IFT52: variants seen among roughly 807,000 people sequenced by gnomAD.
IFT52 encodes the protein intraflagellar transport 52, also known as intraflagellar transport protein 52 homolog.
In IFT52, 44 loss-of-function variants were observed where a neutral mutation model predicts 54.4. That is an observed-to-expected ratio of 0.81 (90% confidence interval 0.63 to 1.04). The LOEUF is 1.04. Ranked by LOEUF, IFT52 falls within the 50% of genes least tolerant of loss-of-function variation. The probability of loss-of-function intolerance (pLI) is 0.00; values close to 1 mark genes in which losing one functional copy is unlikely to be tolerated. For synonymous variants in IFT52, 181 were observed against 185.3 expected, an observed-to-expected ratio of 0.98 and a Z score of 0.19; for missense variants, 452 against 523.6, an observed-to-expected ratio of 0.86 and a Z score of 1.33.
chr20:43,622,893 C>T (rs1984448509), intron 9 of IFT52, among the ~76,000 whole-genome samples: 1 of 151,368 alleles, frequency 6.6e-6, no homozygotes, highest in Non-Finnish European at 1.5e-5. Context: ...TTTATGTTTT[C>T]CTGGTCTTTT....
At chr20:43,633,528 T>G (rs1430435149) in intron 10 of IFT52, among the ~76,000 whole-genome samples, 2 of 151,436 alleles carry the variant, frequency 1.3e-5, no homozygotes, top group African/African-American at 4.9e-5. Context: ...TCCAACATGG[T>G]GAAACCCCAT....
At chr20:43,596,691 A>T (rs1024326936) in intron 3 of IFT52, among the ~76,000 whole-genome samples, 169 bp downstream of exon 3, 2 of 151,756 alleles carry the variant, frequency 1.3e-5, no homozygotes, top group African/African-American at 4.8e-5. Flanking sequence ...CTCCATGTAA[A>T]GTACCAAACA....
intron 7 of IFT52, among the ~76,000 whole-genome samples, chr20:43,615,529 C>T (rs1983790269): frequency 6.6e-6 from 1 of 151,782 alleles, no homozygotes. Flanking sequence ...TCGGGCTGGG[C>T]GTGGTGGCTC....
At chr20:43,632,895 A>T (rs573862546) in intron 10 of IFT52, among the ~76,000 whole-genome samples, 2 of 152,358 alleles carry the variant, frequency 1.3e-5, no homozygotes, top group South Asian at 2.1e-4. Context: ...ACCTGATATG[A>T]AACTTGAAAG....
At chr20:43,620,798 A>G in intron 8 of IFT52, 59 bp from the exon 9 acceptor site, 1 of 1,205,180 alleles carries the variant, frequency 8.3e-7, no homozygotes, top group East Asian at 2.4e-5. Flanking sequence ...TCTAGTCCTG[A>G]CCTTCAGCTT....
chr20:43,642,735 A>G, intron 13 of IFT52, 111 bp downstream of exon 13: 1 of 999,158 alleles, frequency 1.0e-6, no homozygotes, highest in Non-Finnish European at 1.5e-6. Context: ...AATATTTATT[A>G]AGCATCTACT....
At chr20:43,622,381 G>A (rs980674776) in intron 9 of IFT52, among the ~76,000 whole-genome samples, 2 of 151,918 alleles carry the variant, frequency 1.3e-5, no homozygotes, top group East Asian at 1.9e-4. Flanking sequence ...GGCGGATCAC[G>A]AGGTCAGGAG....
At chr20:43,628,074 G>A (rs950195793) in intron 10 of IFT52, among the ~76,000 whole-genome samples, 10 of 151,740 alleles carry the variant, frequency 6.6e-5, no homozygotes, top group African/African-American at 1.9e-4. Flanking sequence ...GACTACAGGC[G>A]TGCACCACCA....
At position 43,624,044 on chromosome 20, in the gene IFT52, G is replaced by A. The variant is rs531780372; in HGVS notation, c.922G>A (p.Glu308Lys). ...LDTTSFHSVI[E>K]AHEQLNVKHE... ...TACCACCTCCTTCCACAGCGTCATC[G>A]AGTCAGTACCTGTGGGCCTCTGAGC... Residue 308 changes from glutamate to lysine, a missense_variant and splice_region_variant, in exon 10 of 14, where the codon GAG becomes AAG. Coordinates refer to ENST00000373030, the MANE Select transcript of IFT52 (RefSeq NM_016004.5). 3.1e-6 allele frequency: 5 copies of A among 1,613,780 alleles called. No homozygotes were observed. In the Admixed American group the frequency reaches 6.7e-5, roughly 22 times the overall value.
chr20:43,608,668 G>T lies in IFT52; in HGVS notation c.485+3595G>T, dbSNP rs568673697. On this transcript the variant is annotated intron_variant, in intron 6 of 13. Coordinates refer to ENST00000373030, the MANE Select transcript of IFT52 (RefSeq NM_016004.5). ...CCCTATAATCCCAACACTTTGGGAG[G>T]CTGAGGCAGGCAGATCACTTGAGCT... Among the ~76,000 whole-genome samples, 119 of 152,162 alleles carry T rather than the reference G, an allele frequency of 7.8e-4. 4 individuals carry two copies. The highest frequency in any genetic ancestry group is 7.9e-4 in the Non-Finnish European group (54 of 68,040).
intron 1 of IFT52, among the ~76,000 whole-genome samples, chr20:43,592,993 T>G (rs6073140): frequency 0.78 from 118,281 of 152,080 alleles, 46,300 homozygotes; most frequent in Non-Finnish European, 0.81. Flanking sequence ...CAGCTACCCA[T>G]GAGGTTGAAG....
intron 1 of IFT52, among the ~76,000 whole-genome samples, chr20:43,591,394 G>A (rs1277551743): frequency 6.6e-6 from 1 of 152,234 alleles, no homozygotes; most frequent in African/African-American, 2.4e-5. Context: ...TGTTATTGAA[G>A]AGAAAGCGAG....
chr20:43,606,136 A>C (rs1003554537), intron 6 of IFT52, among the ~76,000 whole-genome samples: 12 of 151,808 alleles, frequency 7.9e-5, no homozygotes, highest in African/African-American at 2.9e-4. Context: ...CAGGAGAATC[A>C]CTTGAACCTG....
intron 5 of IFT52, 91 bp from the exon 6 acceptor site, chr20:43,604,911 C>CACCT: frequency 7.5e-7 from 1 of 1,331,462 alleles, no homozygotes; most frequent in Non-Finnish European, 1.1e-6. Context: ...GCAATCCTCC[C>CACCT]ACCTTAGCCT....
intron 6 of IFT52, among the ~76,000 whole-genome samples, chr20:43,606,118 G>A (rs750950868): frequency 8.6e-5 from 13 of 151,788 alleles, no homozygotes; most frequent in Non-Finnish European, 1.8e-4. Flanking sequence ...CTACTGGGGA[G>A]GTTGAGGCAG....
intron 2 of IFT52, among the ~76,000 whole-genome samples, chr20:43,595,420 G>C (rs541084506): frequency 6.6e-6 from 1 of 151,398 alleles, no homozygotes; most frequent in African/African-American, 2.4e-5. Flanking sequence ...ATGATCGTGC[G>C]TGCCTATGGT....
intron 2 of IFT52, among the ~76,000 whole-genome samples, chr20:43,595,621 C>T (rs1981893749): frequency 6.6e-6 from 1 of 151,808 alleles, no homozygotes; most frequent in South Asian, 2.1e-4. Context: ...CGCGGTGGCT[C>T]ATGCCTGTAA....
intron 6 of IFT52, among the ~76,000 whole-genome samples, chr20:43,607,345 C>T (rs1299952252): frequency 2.0e-5 from 3 of 151,508 alleles, no homozygotes; most frequent in East Asian, 2.0e-4. Context: ...GGGTGGCTGC[C>T]GGGCGGAGAC....
intron 10 of IFT52, among the ~76,000 whole-genome samples, chr20:43,634,045 C>T (rs922654519): frequency 6.6e-6 from 1 of 151,736 alleles, no homozygotes; most frequent in Non-Finnish European, 1.5e-5. Context: ...GGTGCACACT[C>T]GCTCGTAGTC....
Sources: gnomAD v4.1 joint callset for allele counts (sites outside exome capture counted in the v4.1 genomes callset) on GRCh38, gnomAD v4.1.1 for gene constraint, MANE v1.5 for transcripts, NCBI Gene and HGNC (gene_info 2026-07-23, HGNC 2026-07-21) for gene names.